The following RIMKLB variants were observed in gnomAD, a reference collection of about 807,000 sequenced individuals.
RIMKLB encodes beta-citrylglutamate synthase B.
Under a neutral mutation model 32.0 loss-of-function variants are expected in RIMKLB, and 7 were observed. The observed-to-expected ratio is 0.22, with a 90% CI of 0.12 to 0.41. The LOEUF is 0.41. Ranked by LOEUF, RIMKLB falls within the 10% of genes least tolerant of loss-of-function variation. The pLI is 1.00. For synonymous variants in RIMKLB, 172 were observed against 185.1 expected, an observed-to-expected ratio of 0.93 and a Z score of 0.57; for missense variants, 289 against 498.7, an observed-to-expected ratio of 0.58 and a Z score of 4.00.
chr12:8,708,758 A>C (rs1202815590), intron 1 of RIMKLB, among the ~76,000 whole-genome samples: 1 of 152,206 alleles, frequency 6.6e-6, no homozygotes, highest in Non-Finnish European at 1.5e-5. Context: ...ATTTCAGAAG[A>C]TGAATGAAGC....
chr12:8,691,845 C>CATTAAATCATTAAATCATTAATTAG (rs1942742883), intron 1 of RIMKLB, among the ~76,000 whole-genome samples: 1 of 152,122 alleles, frequency 6.6e-6, no homozygotes, highest in African/African-American at 2.4e-5. Context: ...TTCATTTAAT[C>CATTAAATCATTAAATCATTAATTAG]TGTAAATGTT....
At chr12:8,699,426 G>A (rs1459671554) in intron 1 of RIMKLB, among the ~76,000 whole-genome samples, 1 of 152,086 alleles carries the variant, frequency 6.6e-6, no homozygotes, top group Non-Finnish European at 1.5e-5. Context: ...TTTCTTAAAA[G>A]CAATTATGAG....
chr12:8,775,573 A>G lies in RIMKLB; in HGVS notation c.*1789A>G. 1 of 985,748 alleles carries G rather than the reference A, an allele frequency of 1.0e-6. No homozygotes were observed. Among genetic ancestry groups the G allele is most frequent in the South Asian group, 4.7e-5 (1 of 21,280 alleles). The allele number at this position is 985,748 out of a possible 1,614,324, so 61.1% of individuals were successfully genotyped here. ...CCTTAAACATAATTTCTTGGACACT[A>G]CTAGAGAGACTTCGAGGCAATAATA... On this transcript the variant is annotated 3_prime_UTR_variant, in exon 6 of 6. Transcript: ENST00000535829.
At chr12:8,681,271 G>T (rs1224158826), upstream of RIMKLB, among the ~76,000 whole-genome samples, 1 of 151,914 alleles carries the variant, frequency 6.6e-6, no homozygotes, top group Admixed American at 6.6e-5. Flanking sequence ...GGCGGTTCTG[G>T]TCTTCATATA....
At chr12:8,748,519 CGTGTGTGTGTGTGTGTGTGTGTGTGT>C (rs58187682) in intron 2 of RIMKLB, among the ~76,000 whole-genome samples, 3 of 131,278 alleles carry the variant, frequency 2.3e-5, no homozygotes, top group Non-Finnish European at 4.8e-5. Flanking sequence ...TGGGATTATT[CGTGTGTGTGTGTGTGTGTGTGTGTGT>C]GTGTGTGTGT....
exon 8 of RIMKLB, chr12:8,783,037 C>T (rs1456576508): frequency 6.6e-6 from 1 of 152,166 alleles, no homozygotes; most frequent in Non-Finnish European, 1.5e-5. Flanking sequence ...GCAATAACTC[C>T]AACCTGTTTG....
chr12:8,727,261 CAG>C (rs1946109233), intron 2 of RIMKLB, among the ~76,000 whole-genome samples: 1 of 152,122 alleles, frequency 6.6e-6, no homozygotes, highest in African/African-American at 2.4e-5. Flanking sequence ...TTGAGAGAGA[CAG>C]AATCTCTGTT....
At chr12:8,747,388 C>T (rs773191628) in intron 2 of RIMKLB, among the ~76,000 whole-genome samples, 17 of 152,228 alleles carry the variant, frequency 1.1e-4, no homozygotes, top group South Asian at 2.1e-4. Flanking sequence ...TGTCCTTTCT[C>T]TCTTTTTTTT....
intron 2 of RIMKLB, 73 bp from the exon 3 acceptor site, chr12:8,749,789 G>T: frequency 1.1e-6 from 1 of 919,422 alleles, no homozygotes; most frequent in Non-Finnish European, 1.7e-6. Flanking sequence ...TCCAAACTTT[G>T]GCGTATTACT....
At chr12:8,768,995 C>A (rs1565423448) in intron 5 of RIMKLB, among the ~76,000 whole-genome samples, 1 of 152,072 alleles carries the variant, frequency 6.6e-6, no homozygotes, top group Non-Finnish European at 1.5e-5. Context: ...TTCCTAGTTT[C>A]TTTGGCTAGA....
chr12:8,721,616 T>C (rs1339478035), intron 2 of RIMKLB, among the ~76,000 whole-genome samples: 1 of 152,190 alleles, frequency 6.6e-6, no homozygotes, highest in Non-Finnish European at 1.5e-5. Context: ...CTCCACCACA[T>C]TTGCTGTTAT....
In RIMKLB at chr12:8,714,225, A is replaced by G. The variant is rs1944614926; in HGVS notation, c.175+184A>G. ...CTAATATTTATTAACTTTATTAGGAAACAGTTGTGAGGGAAATTAAAGGTG... is the reference window on the plus strand; with the variant it reads ...CTAATATTTATTAACTTTATTAGGAGACAGTTGTGAGGGAAATTAAAGGTG... On this transcript the variant is annotated intron_variant, in intron 2 of 5. Transcript: ENST00000535829. 5.7e-6 allele frequency: 3 copies of G among 527,748 alleles called. No homozygotes were observed. The South Asian group carries it at 7.7e-5, about 14-fold the overall frequency. The allele number at this position is 527,748 out of a possible 1,614,324, so 32.7% of individuals were successfully genotyped here.
chr12:8,770,492 G>GTACTCACCATGGTT (rs1476339314), intron 5 of RIMKLB, among the ~76,000 whole-genome samples: 26 of 152,068 alleles, frequency 1.7e-4, no homozygotes, highest in African/African-American at 6.0e-4. Context: ...ATATTGCAAA[G>GTACTCACCATGGTT]TACTCACCAT....
At position 8,741,641 on chromosome 12, in the gene RIMKLB, G is replaced by C. The variant is rs139736025; in HGVS notation, c.176-8221G>C. On this transcript the variant is annotated intron_variant, in intron 2 of 5. Transcript: ENST00000535829. ...TAAAAATCCAAAAAATTAGCCTGGC[G>C]TGATGGCGGGTGCCTGTAGTCCCAG... 5.7e-3 allele frequency among the ~76,000 whole-genome samples: 866 copies of C among 150,992 alleles called. 38 individuals are homozygous for C. The highest frequency in any genetic ancestry group is 0.02 in the African/African-American group (810 of 40,840).
At chr12:8,750,566 T>C (rs1263932234) in intron 3 of RIMKLB, among the ~76,000 whole-genome samples, 1 of 152,230 alleles carries the variant, frequency 6.6e-6, no homozygotes, top group African/African-American at 2.4e-5. Flanking sequence ...ATTTTAATGT[T>C]TTTAAAGAAA....
intron 5 of RIMKLB, among the ~76,000 whole-genome samples, chr12:8,768,938 ATCTT>A (rs1950189447): frequency 6.6e-6 from 1 of 152,086 alleles, no homozygotes; most frequent in Non-Finnish European, 1.5e-5. Context: ...AAAAAATTCT[ATCTT>A]TCTGTTGTAT....
intron 2 of RIMKLB, among the ~76,000 whole-genome samples, chr12:8,748,020 T>G (rs1470493153): frequency 1.3e-5 from 2 of 152,192 alleles, no homozygotes; most frequent in Non-Finnish European, 2.9e-5. Flanking sequence ...CCTCCCAAAG[T>G]GCTGGGATTA....
chr12:8,714,864 T>G (rs1944676554), intron 2 of RIMKLB, among the ~76,000 whole-genome samples: 3 of 152,206 alleles, frequency 2.0e-5, no homozygotes, highest in Non-Finnish European at 4.4e-5. Context: ...TAAATACATT[T>G]TAGATCACTT....
rs140058254 is a variant in RIMKLB, at chr12:8,715,414, C to T, written c.175+1373C>T. On this transcript the variant is annotated intron_variant, in intron 2 of 5. Coordinates refer to ENST00000535829, the MANE Select transcript of RIMKLB (RefSeq NM_001297776.2). ...CTAATTTTTGTATTTTTAGTAGAGA[C>T]GGGTTTCACCATGTTGGCCAGGCTG... is the stretch of plus-strand genomic sequence containing the variant. Among the ~76,000 whole-genome samples, 758 of 151,882 alleles carry T rather than the reference C, an allele frequency of 5.0e-3. 6 individuals are homozygous for T. Among genetic ancestry groups the T allele is most frequent in the Middle Eastern group, 0.024 (7 of 294 alleles).
Sources: gnomAD v4.1 joint callset for allele counts (sites outside exome capture counted in the v4.1 genomes callset) on GRCh38, gnomAD v4.1.1 for gene constraint, MANE v1.5 for transcripts, NCBI Gene and HGNC (gene_info 2026-07-23, HGNC 2026-07-21) for gene names.